ASH1L: variants seen among roughly 807,000 people sequenced by gnomAD.
ASH1L encodes histone-lysine N-methyltransferase ASH1L.
ASH1L carries 23 observed loss-of-function variants against 269.0 expected under a neutral mutation model. That is an observed-to-expected ratio of 0.09 (90% CI 0.06 to 0.12). The LOEUF is 0.12. Ranked by LOEUF, ASH1L falls within the 10% of genes least tolerant of loss-of-function variation. The pLI, the probability that ASH1L is intolerant of heterozygous loss-of-function variation, is 1.00. For missense variants in ASH1L, 2,912 were observed against 3,567.8 expected, an observed-to-expected ratio of 0.82 and a Z score of 4.68; for synonymous variants, 1,187 against 1,253.5, an observed-to-expected ratio of 0.95 and a Z score of 1.12.
intron 6 of ASH1L, among the ~76,000 whole-genome samples, chr1:155,407,580 T>C (rs191719585): frequency 2.8e-4 from 43 of 152,232 alleles, no homozygotes; most frequent in African/African-American, 1.0e-3. Context: ...TCTAATATCA[T>C]ACAGCTATAA....
intron 12 of ASH1L, among the ~76,000 whole-genome samples, chr1:155,367,199 G>T (rs1252343423): frequency 1.3e-5 from 2 of 151,968 alleles, no homozygotes; most frequent in African/African-American, 4.8e-5. Flanking sequence ...TCACCATGTT[G>T]GTCAGACTGG....
At chr1:155,361,472 G>A (rs191284164) in intron 12 of ASH1L, among the ~76,000 whole-genome samples, 13 of 116,190 alleles carry the variant, frequency 1.1e-4, no homozygotes, top group Non-Finnish European at 1.8e-4. Context: ...AGTCAAGATT[G>A]CACCACTGCA....
intron 2 of ASH1L, among the ~76,000 whole-genome samples, chr1:155,500,799 T>C (rs2148793376): frequency 6.6e-6 from 1 of 152,184 alleles, no homozygotes; most frequent in South Asian, 2.1e-4. Flanking sequence ...CGAAACCCTG[T>C]CTCTACTAAA....
intron 1 of ASH1L, among the ~76,000 whole-genome samples, chr1:155,544,260 T>C (rs1031846906): frequency 7.9e-5 from 12 of 151,538 alleles, no homozygotes; most frequent in Non-Finnish European, 4.4e-5. Flanking sequence ...TGTTCATGAC[T>C]ATTTCTATAA....
At chr1:155,517,294 G>A (rs989212679) in intron 2 of ASH1L, among the ~76,000 whole-genome samples, 6 of 152,100 alleles carry the variant, frequency 3.9e-5, no homozygotes, top group African/African-American at 1.4e-4. Flanking sequence ...AGGCTGCAGT[G>A]AGTAGCGTAG....
chr1:155,495,672 T>C (rs1667100998), intron 2 of ASH1L, among the ~76,000 whole-genome samples: 1 of 152,182 alleles, frequency 6.6e-6, no homozygotes, highest in Non-Finnish European at 1.5e-5. Context: ...TTAAGCTACA[T>C]TAAATTTTTA....
At chr1:155,421,317 GTTTTTTTTTT>G (rs11442413) in intron 5 of ASH1L, among the ~76,000 whole-genome samples, 2 of 85,866 alleles carry the variant, frequency 2.3e-5, no homozygotes, top group African/African-American at 4.3e-5. Context: ...AGTACCAACA[GTTTTTTTTTT>G]TTTTTTTTTT....
chr1:155,502,217 C>T (rs530319607), intron 2 of ASH1L, among the ~76,000 whole-genome samples: 8 of 150,992 alleles, frequency 5.3e-5, no homozygotes, highest in Non-Finnish European at 1.2e-4. Context: ...ATTATAGGCA[C>T]GCACCACCAC....
intron 1 of ASH1L, among the ~76,000 whole-genome samples, chr1:155,554,028 C>T (rs1346921907): frequency 6.6e-6 from 1 of 151,686 alleles, no homozygotes; most frequent in Non-Finnish European, 1.5e-5. Context: ...AACTCCTGAC[C>T]TCGTGATCTG....
chr1:155,484,012 C>T (rs993680390), intron 2 of ASH1L, among the ~76,000 whole-genome samples: 1 of 151,790 alleles, frequency 6.6e-6, no homozygotes. Context: ...ATATGCCTAC[C>T]GATTATATTT....
chr1:155,372,569 A>C (rs1656058475), intron 10 of ASH1L, among the ~76,000 whole-genome samples: 1 of 151,396 alleles, frequency 6.6e-6, no homozygotes, highest in Non-Finnish European at 1.5e-5. Context: ...TCAGCCTCTC[A>C]AAGTTCTGGG....
intron 2 of ASH1L, among the ~76,000 whole-genome samples, chr1:155,514,025 A>C (rs1247359573): frequency 6.6e-6 from 1 of 152,224 alleles, no homozygotes; most frequent in Non-Finnish European, 1.5e-5. Flanking sequence ...ACATTATGCT[A>C]AGGGAAATAA....
intron 2 of ASH1L, among the ~76,000 whole-genome samples, chr1:155,490,054 C>T (rs1468871288): frequency 1.5e-4 from 23 of 151,378 alleles, no homozygotes; most frequent in African/African-American, 4.1e-4. Context: ...CTGCAAACTC[C>T]GCCTCCCAGG....
At position 155,479,649 on chromosome 1, in the gene ASH1L, T is replaced by C; in HGVS notation, c.3221A>G (p.Glu1074Gly). ...SGSPTSLAVL[E>G]QTAQQAAGSA... Reference sequence around the variant, plus strand: ...CCCAGCTGCCTGTTGAGCTGTTTGCTCAAGAACAGCAAGGCTAGTAGGACT... The same window carrying C: ...CCCAGCTGCCTGTTGAGCTGTTTGCCCAAGAACAGCAAGGCTAGTAGGACT... The change falls in exon 3 of 28, where the codon GAG becomes GGG. Residue 1074 changes from glutamate (E) to glycine (G), a missense_variant. Glu to Gly is a moderately conservative substitution (Grantham distance 98, BLOSUM62 -2). Coordinates refer to ENST00000392403, the MANE Select transcript of ASH1L (RefSeq NM_018489.3). 2 of 1,614,212 alleles carry C rather than the reference T, an allele frequency of 1.2e-6. No individual in the cohort carries two copies. The highest frequency in any genetic ancestry group is 1.7e-6 in the Non-Finnish European group (2 of 1,180,026).
rs540503683 is a variant in ASH1L at position 155,506,957 on chromosome 1, A to G, written c.420+14143T>C. On this transcript the variant is annotated intron_variant, in intron 2 of 27. Transcript: ENST00000392403. ...AAAGAAAAATATTTAACTTTATCAAATTTTGTTTAAAAAGTAATAATAATT... is the reference window on the plus strand; with the variant it reads ...AAAGAAAAATATTTAACTTTATCAAGTTTTGTTTAAAAAGTAATAATAATT... Among the ~76,000 whole-genome samples, 13 of 152,166 alleles carry G rather than the reference A, an allele frequency of 8.5e-5. No homozygotes were observed. In the South Asian group the frequency reaches 2.1e-3, roughly 24 times the overall value.
chr1:155,489,241 G>C (rs1185966509), intron 2 of ASH1L, among the ~76,000 whole-genome samples: 1 of 151,988 alleles, frequency 6.6e-6, no homozygotes, highest in Admixed American at 6.6e-5. Context: ...GGGAGGCCGA[G>C]GAGGGCAGAA....
intron 5 of ASH1L, among the ~76,000 whole-genome samples, chr1:155,421,214 G>A (rs1162348965): frequency 2.2e-5 from 3 of 136,766 alleles, no homozygotes; most frequent in African/African-American, 5.5e-5. Context: ...GGGCAACAGA[G>A]GAAGATTCTG....
At position 155,337,704 on chromosome 1, in the gene ASH1L, G is replaced by A. The variant is rs776253661; in HGVS notation, c.8851C>T (p.Arg2951Ter). ...TCTGGGATAAACAAAGTACGCCTTCGCAGTTTCCTGCCTGATCCTTCCTCC... is the reference window on the plus strand; with the variant it reads ...TCTGGGATAAACAAAGTACGCCTTCACAGTTTCCTGCCTGATCCTTCCTCC... Reference protein sequence around the residue: ...LLEEGSGRKLRRRTLFIPENS... With the variant: ...LLEEGSGRKL The change falls in exon 28 of 28, where the codon CGA (arginine) becomes TGA (stop). Residue 2951 changes from arginine (R) to a stop codon, truncating the protein, a stop_gained. Coordinates refer to ENST00000392403, the MANE Select transcript of ASH1L (RefSeq NM_018489.3). LOFTEE classifies it high-confidence loss of function. 6 of 1,614,010 alleles carry A rather than the reference G, an allele frequency of 3.7e-6. No individual in the cohort carries two copies. Among genetic ancestry groups the A allele is most frequent in the Non-Finnish European group, 5.1e-6 (6 of 1,179,898 alleles).
At chr1:155,490,439 C>T (rs1351717595) in intron 2 of ASH1L, among the ~76,000 whole-genome samples, 2 of 150,968 alleles carry the variant, frequency 1.3e-5, no homozygotes, top group Non-Finnish European at 3.0e-5. Context: ...TGGTGAAACC[C>T]CATCTCTACT....
Sources: gnomAD v4.1 joint callset for allele counts (sites outside exome capture counted in the v4.1 genomes callset) on GRCh38, gnomAD v4.1.1 for gene constraint, MANE v1.5 for transcripts, NCBI Gene and HGNC (gene_info 2026-07-23, HGNC 2026-07-21) for gene names.